The following RUFY4 variants were observed in gnomAD, a reference collection of about 807,000 sequenced individuals.
The protein encoded by RUFY4 is RUN and FYVE domain-containing protein 4.
In RUFY4, 73 loss-of-function variants were observed where a neutral mutation model predicts 69.0. That is an observed-to-expected ratio of 1.06 (90% CI 0.88 to 1.29). The LOEUF (loss-of-function observed/expected upper bound fraction) is 1.29, where lower values mean the gene tolerates loss of function less well. RUFY4 is among the 50% of genes most tolerant of loss of function. The pLI is 0.00. For missense variants in RUFY4, 770 were observed against 705.6 expected, an observed-to-expected ratio of 1.09 and a Z score of -1.03; for synonymous variants, 287 against 271.8, an observed-to-expected ratio of 1.06 and a Z score of -0.55.
chr2:218,072,442 C>T, exon 3 of RUFY4: 2 of 1,537,412 alleles, frequency 1.3e-6, no homozygotes, highest in South Asian at 1.2e-5. Flanking sequence ...TCTGCACTGC[C>T]CTACGACGGC....
At chr2:218,064,699 T>G (rs1189904040), upstream of RUFY4, among the ~76,000 whole-genome samples, 6 of 151,816 alleles carry the variant, frequency 4.0e-5, no homozygotes, top group Non-Finnish European at 7.4e-5. Flanking sequence ...CCCTACACCT[T>G]CCCCACTGGT....
chr2:218,077,403 C>T (rs1232748545), intron 8 of RUFY4, among the ~76,000 whole-genome samples: 2 of 152,102 alleles, frequency 1.3e-5, no homozygotes, highest in African/African-American at 2.4e-5. Flanking sequence ...TTTGTAGAGA[C>T]GAGGTCTCAC....
intron 3 of RUFY4, chr2:218,060,720 G>C: frequency 7.2e-7 from 1 of 1,392,938 alleles, no homozygotes; most frequent in Non-Finnish European, 1.0e-6. Context: ...GCGTATGCAG[G>C]GTGAATCTGT....
At chr2:218,083,299 C>T (rs1013701700) in intron 9 of RUFY4, 43 bp downstream of exon 11, 4 of 1,541,626 alleles carry the variant, frequency 2.6e-6, no homozygotes, top group South Asian at 1.2e-5. Flanking sequence ...GATGGGGGAA[C>T]GGTAAGGGAT....
At chr2:218,048,620 T>C (rs1265670369) in intron 2 of RUFY4, among the ~76,000 whole-genome samples, 8 of 152,180 alleles carry the variant, frequency 5.3e-5, no homozygotes, top group Admixed American at 3.3e-4. Context: ...TGATTCCCTT[T>C]ATTGTCTCTC....
At chr2:218,064,298 C>T (rs1433776870), upstream of RUFY4, among the ~76,000 whole-genome samples, 2 of 152,130 alleles carry the variant, frequency 1.3e-5, no homozygotes, top group Non-Finnish European at 2.9e-5. Flanking sequence ...GGTTACAGTG[C>T]TGGCTCCCAG....
intron 3 of RUFY4, chr2:218,060,972 T>C (rs1351313228): frequency 1.2e-6 from 1 of 813,038 alleles, no homozygotes; most frequent in East Asian, 2.5e-5. Context: ...GCGTGTGGCA[T>C]GGACAATGGC....
At chr2:218,079,147 G>A (rs1010427590) in intron 8 of RUFY4, among the ~76,000 whole-genome samples, 2 of 152,210 alleles carry the variant, frequency 1.3e-5, no homozygotes, top group African/African-American at 4.8e-5. Flanking sequence ...GAGATTACAG[G>A]CATGAGCCAC....
chr2:218,057,094 AG>A (rs1017883125), intron 2 of RUFY4, among the ~76,000 whole-genome samples: 34 of 148,896 alleles, frequency 2.3e-4, no homozygotes, highest in African/African-American at 7.5e-4. Flanking sequence ...AAAAAAAAAA[AG>A]AGAGAGAGAA....
At chr2:218,072,839 C>T in exon 4 of RUFY4, 4 of 1,535,996 alleles carry the variant, frequency 2.6e-6, no homozygotes, top group Non-Finnish European at 3.5e-6. Context: ...CCGTGGGCAG[C>T]TGGCTGAGGC....
At chr2:218,075,704 G>A in exon 7 of RUFY4, 2 of 1,457,466 alleles carry the variant, frequency 1.4e-6, no homozygotes, top group South Asian at 1.7e-5. Context: ...CCAGAAGGGA[G>A]GAGCAAGCCG....
chr2:218,074,911 C>T (rs1022048364), intron 6 of RUFY4, among the ~76,000 whole-genome samples, 182 bp from the exon 9 acceptor site: 1 of 152,184 alleles, frequency 6.6e-6, no homozygotes, highest in Admixed American at 6.5e-5. Flanking sequence ...GCATGGCGCT[C>T]AGATCACCTG....
intron 2 of RUFY4, among the ~76,000 whole-genome samples, chr2:218,048,427 C>T (rs1379138768): frequency 6.6e-6 from 1 of 152,158 alleles, no homozygotes; most frequent in Non-Finnish European, 1.5e-5. Flanking sequence ...TGTGCAGAAA[C>T]TCTTTAGTTT....
rs1688899687 is a variant in RUFY4 at position 218,049,546 on chromosome 2, GC to G, written c.-1157-9046del. 4.1e-5 allele frequency among the ~76,000 whole-genome samples: 6 copies of G among 147,256 alleles called. No homozygotes were observed. The South Asian group carries it at 1.3e-3, about 32-fold the overall frequency. ...TTTTAGATGGAGTTTCACTCTTGTT[GC>G]CCAGGCTGGAGTGCAATGGCATGAA... On this transcript the variant is annotated intron_variant and NMD_transcript_variant, in intron 2 of 13. Transcript: ENST00000457754.
intron 2 of RUFY4, among the ~76,000 whole-genome samples, chr2:218,037,215 G>A (rs1247612041): frequency 6.6e-6 from 1 of 152,008 alleles, no homozygotes; most frequent in African/African-American, 2.4e-5. Context: ...AGCTACTTGG[G>A]AGGCTGAGGC....
chr2:218,090,046 G>A, exon 11 of RUFY4: 1 of 1,542,232 alleles, frequency 6.5e-7, no homozygotes, highest in Non-Finnish European at 8.8e-7. Flanking sequence ...AGAAGCCCAG[G>A]TCACCTGACC....
intron 2 of RUFY4, among the ~76,000 whole-genome samples, chr2:218,036,078 G>A (rs1958972778): frequency 6.6e-6 from 1 of 152,330 alleles, no homozygotes; most frequent in South Asian, 2.1e-4. Flanking sequence ...CCTCTGTGAT[G>A]CTGGATAAAA....
At chr2:218,082,050 C>T (rs1689771269) in intron 8 of RUFY4, among the ~76,000 whole-genome samples, 1 of 152,178 alleles carries the variant, frequency 6.6e-6, no homozygotes, top group Admixed American at 6.5e-5. Context: ...CCCAGCTGAG[C>T]CAGGGGCCTC....
chr2:218,061,022 A>G (rs767609446), intron 3 of RUFY4: 42 of 719,846 alleles, frequency 5.8e-5, no homozygotes, highest in Non-Finnish European at 1.0e-4. Context: ...GTAGTAGAAT[A>G]CCACCGTAGA....
Sources: allele counts gnomAD v4.1 joint callset (sites outside exome capture counted in the v4.1 genomes callset), GRCh38; gene constraint gnomAD v4.1.1; transcripts MANE v1.5; gene names NCBI Gene and HGNC (gene_info 2026-07-23, HGNC 2026-07-21).